Variants in CACNA1S observed in about 807,000 individuals in gnomAD.
The protein encoded by CACNA1S is voltage-dependent L-type calcium channel subunit alpha-1S.
A neutral mutation model predicts 207.4 loss-of-function variants in CACNA1S; 126 were observed. The observed-to-expected ratio is 0.61, with a 90% CI of 0.53 to 0.70. The LOEUF (loss-of-function observed/expected upper bound fraction) is 0.70, where lower values mean the gene tolerates loss of function less well. Among genes scored for constraint, CACNA1S ranks in the 30% least tolerant of loss-of-function variants. The pLI, the probability that CACNA1S is intolerant of heterozygous loss-of-function variation, is 0.00. For synonymous variants in CACNA1S, 960 were observed against 932.7 expected, an observed-to-expected ratio of 1.03 and a Z score of -0.53; for missense variants, 2,349 against 2,422.8, an observed-to-expected ratio of 0.97 and a Z score of 0.64.
intron 3 of CACNA1S, among the ~76,000 whole-genome samples, chr1:201,093,618 T>G (rs1662315670): frequency 6.6e-6 from 1 of 152,124 alleles, no homozygotes. Context: ...TCCAAATTTG[T>G]GTGATGTGAG....
At chr1:201,075,376 C>T in intron 13 of CACNA1S, 119 bp downstream of exon 13, 1 of 1,217,964 alleles carries the variant, frequency 8.2e-7, no homozygotes, top group Non-Finnish European at 1.2e-6. Context: ...GGCCTGGGAG[C>T]TCCCCTCCAG....
At chr1:201,049,926 C>G (rs1392582810) in intron 34 of CACNA1S, among the ~76,000 whole-genome samples, 2 of 152,154 alleles carry the variant, frequency 1.3e-5, no homozygotes, top group African/African-American at 4.8e-5. Context: ...ATGCCTATTT[C>G]CTATCGGGAA....
Position 201,039,785 on chromosome 1 carries a change from C to T in CACNA1S, c.*46G>A. 6.3e-7 allele frequency: 1 copy of T among 1,599,724 alleles called. No homozygotes were observed. ...CTCCACCCCAGCAACTTCCCCACCCCCATTGGTCATGCCAGCTCTAAGCCC... is the reference window on the plus strand; with the variant it reads ...CTCCACCCCAGCAACTTCCCCACCCTCATTGGTCATGCCAGCTCTAAGCCC... On this transcript the variant is annotated 3_prime_UTR_variant, in exon 44 of 44. Transcript: ENST00000362061.
In CACNA1S at chr1:201,073,534, AC is replaced by A. The variant is rs759166648; in HGVS notation, c.2157+14del. ...CCCCTAGACTGCCTCTAACATCCCC[AC>A]CTGAGGTGCTCACCTTGGCAGTGGT... On this transcript the variant is annotated intron_variant, in intron 15 of 43. Transcript: ENST00000362061. 2 of 1,602,406 alleles carry A rather than the reference AC, an allele frequency of 1.2e-6. No homozygotes were observed. The highest frequency in any genetic ancestry group is 1.3e-5 in the African/African-American group (1 of 74,628).
Position 201,112,377 on chromosome 1 carries a change from C to T in CACNA1S, c.-38G>A. On this transcript the variant is annotated 5_prime_UTR_variant, in exon 1 of 44. In the 5' UTR this introduces an upstream ATG that the reference lacks. Transcript: ENST00000362061. ...AATCTGGCTTTCTCCTGCTCCCCCA[C>T]CCCAGTGCTTTCCCTTCCCTGTGTC... The T allele has an allele frequency of 6.2e-7, 1 of 1,613,334 alleles. No individual in the cohort carries two copies. Among genetic ancestry groups the T allele is most frequent in the Non-Finnish European group, 8.5e-7 (1 of 1,179,926 alleles).
chr1:201,102,124 G>C (rs1347046583), intron 2 of CACNA1S, among the ~76,000 whole-genome samples: 1 of 152,222 alleles, frequency 6.6e-6, no homozygotes, highest in South Asian at 2.1e-4. Context: ...TGAGGTTTCT[G>C]TGGTGCTGGA....
intron 28 of CACNA1S, among the ~76,000 whole-genome samples, chr1:201,058,102 G>A (rs1186507700): frequency 2.6e-5 from 4 of 152,040 alleles, no homozygotes; most frequent in Admixed American, 6.5e-5. Flanking sequence ...TTTCCTTCAG[G>A]CAGATGGCAC....
In CACNA1S at chr1:201,110,221, G is replaced by A. The variant is rs1383561230; in HGVS notation, c.201C>T (p.Ala67=). 4 of 1,614,068 alleles carry A rather than the reference G, an allele frequency of 2.5e-6. No homozygotes were observed. The African/African-American group carries it at 4.0e-5, about 16-fold the overall frequency. The part of the protein sequence containing the change: ...ILLTIFANCV[A]LAVYLPMPED... Reference sequence around the variant, plus strand: ...CCGGCATGGGCAGGTACACGGCCAGGGCCACACAATTGGCAAAGATGGTGA... The same window carrying A: ...CCGGCATGGGCAGGTACACGGCCAGAGCCACACAATTGGCAAAGATGGTGA... Residue 67 remains alanine (A), a synonymous_variant, in exon 2 of 44, where the codon GCC becomes GCT. Coordinates refer to ENST00000362061, the MANE Select transcript of CACNA1S (RefSeq NM_000069.3).
intron 38 of CACNA1S, 115 bp downstream of exon 38, chr1:201,046,999 TC>T: frequency 7.2e-7 from 1 of 1,397,544 alleles, no homozygotes; most frequent in Non-Finnish European, 1.0e-6. Flanking sequence ...CTTCTGGGCT[TC>T]CTTTTTCCCT....
chr1:201,077,315 T>C (rs1661666304), intron 11 of CACNA1S, among the ~76,000 whole-genome samples, 188 bp from the exon 12 acceptor site: 1 of 152,182 alleles, frequency 6.6e-6, no homozygotes, highest in Non-Finnish European at 1.5e-5. Flanking sequence ...CACTTGTCTG[T>C]TTGTAATTTC....
intron 38 of CACNA1S, among the ~76,000 whole-genome samples, chr1:201,046,152 ATATTTATT>A (rs200701982): frequency 8.1e-6 from 1 of 124,012 alleles, no homozygotes; most frequent in Non-Finnish European, 1.5e-5. Flanking sequence ...CCAATGGGAC[ATATTTATT>A]TATTTATTTA....
intron 10 of CACNA1S, among the ~76,000 whole-genome samples, chr1:201,081,997 C>T (rs371542826): frequency 6.8e-6 from 1 of 147,934 alleles, no homozygotes; most frequent in Admixed American, 6.8e-5. Context: ...AACCAAACCT[C>T]TTTTCTTTAT....
At position 201,089,419 on chromosome 1, in the gene CACNA1S, T is replaced by C. The variant is rs745797745; in HGVS notation, c.739A>G (p.Arg247Gly). ...GTGCACCGGCGCCCTGAGCCCGTCCTGGCGCAGGGCGATGGCTCTTCATTC... is the reference window on the plus strand; with the variant it reads ...GTGCACCGGCGCCCTGAGCCCGTCCCGGCGCAGGGCGATGGCTCTTCATTC... Reference protein sequence around the residue: ...VENEEPSPCARTGSGRRCTIN... With the variant: ...VENEEPSPCAGTGSGRRCTIN... The change falls in exon 6 of 44, where the codon AGG (arginine) becomes GGG (glycine). Residue 247 changes from arginine (R) to glycine (G), a missense_variant. Coordinates refer to ENST00000362061, the MANE Select transcript of CACNA1S (RefSeq NM_000069.3). The C allele has an allele frequency of 6.2e-7, 1 of 1,614,164 alleles. No individual in the cohort carries two copies. Among genetic ancestry groups the C allele is most frequent in the East Asian group, 2.2e-5 (1 of 44,886 alleles).
chr1:201,078,346 G>A (rs1358580293), intron 10 of CACNA1S, among the ~76,000 whole-genome samples: 1 of 151,940 alleles, frequency 6.6e-6, no homozygotes, highest in African/African-American at 2.4e-5. Context: ...CTACCGGCAT[G>A]CACCACCACA....
In CACNA1S at chr1:201,039,752, T is replaced by G; in HGVS notation, c.*79A>C. 6.3e-7 allele frequency: 1 copy of G among 1,576,232 alleles called. No individual in the cohort carries two copies. Among genetic ancestry groups the G allele is most frequent in the Non-Finnish European group, 8.6e-7 (1 of 1,159,602 alleles). On this transcript the variant is annotated 3_prime_UTR_variant, in exon 44 of 44. Coordinates refer to ENST00000362061, the MANE Select transcript of CACNA1S (RefSeq NM_000069.3). ...AGGGAGGGAGGCTGCTGCGGTGGGCTAGCCCTTCTCCACCCCAGCAACTTC... is the reference window on the plus strand; with the variant it reads ...AGGGAGGGAGGCTGCTGCGGTGGGCGAGCCCTTCTCCACCCCAGCAACTTC...
chr1:201,089,739 A>G (rs764431443), intron 5 of CACNA1S, among the ~76,000 whole-genome samples: 1 of 152,214 alleles, frequency 6.6e-6, no homozygotes, highest in Non-Finnish European at 1.5e-5. Flanking sequence ...AGTGCAACCC[A>G]TGAAAGAGGA....
At chr1:201,051,654 A>T (rs900684860) in intron 32 of CACNA1S, among the ~76,000 whole-genome samples, 1 of 152,208 alleles carries the variant, frequency 6.6e-6, no homozygotes, top group Non-Finnish European at 1.5e-5. Context: ...GCATTTTTCC[A>T]GTAACTGCTA....
Position 201,112,155 on chromosome 1 carries a change from ACCC to A in CACNA1S, c.152+30_152+32del, listed in dbSNP as rs112984935. ...CCCGAATCCCTCCCTCATGACGCAC[ACCC>A]CCCCCCACGGCCCGGGCCCTGAAGG... On this transcript the variant is annotated intron_variant, in intron 1 of 43. Coordinates refer to ENST00000362061, the MANE Select transcript of CACNA1S (RefSeq NM_000069.3). 2.9e-5 allele frequency: 42 copies of A among 1,439,952 alleles called. No individual in the cohort carries two copies. The South Asian group carries it at 4.4e-4, about 15-fold the overall frequency. 89.2% of individuals were successfully genotyped at this position (1,439,952 alleles called of 1,614,324 possible). A position where few individuals can be genotyped will look rare whatever the true frequency, so the allele number is the denominator to read the frequency against.
At position 201,089,463 on chromosome 1, in the gene CACNA1S, T is replaced by A. The variant is rs1474610748; in HGVS notation, c.695A>T (p.Asp232Val). The A allele has an allele frequency of 6.2e-7, 1 of 1,613,640 alleles. No homozygotes were observed. Among genetic ancestry groups the A allele is most frequent in the Non-Finnish European group, 8.5e-7 (1 of 1,179,938 alleles). Residue 232 changes from aspartate (D) to valine (V), a missense_variant and splice_region_variant, in exon 6 of 44, where the codon GAT becomes GTT. Transcript: ENST00000362061. The stretch of plus-strand genomic sequence containing the variant: ...TTCATTCTCCACCGTGGCCACGATA[T>A]CTGGAGGCAGAAGGCAAAGGGAACA... ...MHKTCYFIGTDIVATVENEEP... is the reference protein window; with the variant it reads ...MHKTCYFIGTVIVATVENEEP...
Sources: allele counts gnomAD v4.1 joint callset (sites outside exome capture counted in the v4.1 genomes callset), GRCh38; gene constraint gnomAD v4.1.1; transcripts MANE v1.5; gene names NCBI Gene and HGNC (gene_info 2026-07-23, HGNC 2026-07-21).